The following ABTB3 variants were observed in gnomAD, a reference collection of about 807,000 sequenced individuals.
ABTB3 encodes the protein ankyrin repeat- and BTB/POZ domain-containing protein 3.
chr12:107,321,577 C>T, the ABTB3 span, among the ~76,000 whole-genome samples: 1 of 150,468 alleles, frequency 6.6e-6, no homozygotes, highest in Admixed American at 6.6e-5. Context: ...CAGGGCACAA[C>T]CCTCAAAGAG....
the ABTB3 span, among the ~76,000 whole-genome samples, chr12:107,508,263 T>A: frequency 6.6e-6 from 1 of 151,338 alleles, no homozygotes; most frequent in African/African-American, 2.4e-5. Context: ...TGAAGGATGA[T>A]CAGACATATG....
At chr12:107,657,913 A>G in the ABTB3 span, 1 of 618,550 alleles carries the variant, frequency 1.6e-6, no homozygotes, top group Admixed American at 2.9e-5. Context: ...CTGGGTCCAG[A>G]GTTTAATGGG....
At chr12:107,651,984 T>C in the ABTB3 span, among the ~76,000 whole-genome samples, 1 of 152,244 alleles carries the variant, frequency 6.6e-6, no homozygotes, top group Non-Finnish European at 1.5e-5. Context: ...ACAAGGAAAG[T>C]AGGAGCCCAG....
chr12:107,390,450 G>A, the ABTB3 span, among the ~76,000 whole-genome samples: 4 of 152,188 alleles, frequency 2.6e-5, no homozygotes, highest in African/African-American at 9.7e-5. Context: ...CTTCGGGGAA[G>A]GTGGTACACG....
chr12:107,423,939 GT>G, the ABTB3 span, among the ~76,000 whole-genome samples: 1 of 152,128 alleles, frequency 6.6e-6, no homozygotes, highest in Non-Finnish European at 1.5e-5. Context: ...CCTGAGTTTT[GT>G]TTGCCTCTGG....
At chr12:107,430,266 C>A in the ABTB3 span, among the ~76,000 whole-genome samples, 7,502 of 152,190 alleles carry the variant, frequency 0.049, 598 homozygotes, top group African/African-American at 0.17. Flanking sequence ...ATTGTTACTG[C>A]TTTTGTGCTT....
At chr12:107,651,826 C>T in the ABTB3 span, 25 of 1,553,626 alleles carry the variant, frequency 1.6e-5, no homozygotes, top group East Asian at 1.1e-4. Context: ...CACACAGGAG[C>T]GCTGAAGCCG....
the ABTB3 span, among the ~76,000 whole-genome samples, chr12:107,434,908 C>T: frequency 9.4e-4 from 143 of 151,936 alleles, no homozygotes; most frequent in Non-Finnish European, 9.9e-4. Context: ...GATTAAAGGC[C>T]GATAGGCACA....
the ABTB3 span, among the ~76,000 whole-genome samples, chr12:107,438,881 G>A: frequency 6.6e-6 from 1 of 152,176 alleles, no homozygotes; most frequent in African/African-American, 2.4e-5. Context: ...AAATTTTAAT[G>A]CCAAGCAATT....
chr12:107,492,629 C>CTGTAGCCT, the ABTB3 span, among the ~76,000 whole-genome samples: 4 of 152,162 alleles, frequency 2.6e-5, no homozygotes, highest in African/African-American at 9.7e-5. Flanking sequence ...CTTGTCATCT[C>CTGTAGCCT]TGTAGCCTCC....
the ABTB3 span, among the ~76,000 whole-genome samples, chr12:107,427,184 G>A: frequency 1.3e-5 from 2 of 152,128 alleles, no homozygotes; most frequent in African/African-American, 4.8e-5. Context: ...CCAGCTTCTA[G>A]AGGCTGCTGG....
chr12:107,561,691 G>A, the ABTB3 span, among the ~76,000 whole-genome samples: 3 of 152,018 alleles, frequency 2.0e-5, no homozygotes, highest in Non-Finnish European at 2.9e-5. Context: ...TTAATAAATC[G>A]GGAACCAGTT....
chr12:107,412,490 G>A, the ABTB3 span, among the ~76,000 whole-genome samples: 2 of 152,202 alleles, frequency 1.3e-5, no homozygotes, highest in Non-Finnish European at 2.9e-5. Flanking sequence ...TGCACTAACC[G>A]AGGAACACGG....
chr12:107,441,963 A>G, the ABTB3 span, among the ~76,000 whole-genome samples: 39 of 150,856 alleles, frequency 2.6e-4, no homozygotes, highest in Admixed American at 2.6e-3. Context: ...AGGAAAAAGG[A>G]AAAAAAAAGT....
chr12:107,322,333 T>G, the ABTB3 span, among the ~76,000 whole-genome samples: 1 of 152,302 alleles, frequency 6.6e-6, no homozygotes, highest in South Asian at 2.1e-4. Context: ...TGAGATATAC[T>G]ATGATTTCAT....
the ABTB3 span, among the ~76,000 whole-genome samples, chr12:107,493,949 A>G: frequency 6.6e-6 from 1 of 152,242 alleles, no homozygotes; most frequent in African/African-American, 2.4e-5. Context: ...TTCCAGAACT[A>G]GGAGACAAGA....
the ABTB3 span, among the ~76,000 whole-genome samples, chr12:107,503,180 A>G: frequency 6.6e-6 from 1 of 152,156 alleles, no homozygotes; most frequent in African/African-American, 2.4e-5. Flanking sequence ...GGATTAGCTA[A>G]TTAGAATAAT....
At chr12:107,460,660 A>T in the ABTB3 span, among the ~76,000 whole-genome samples, 4 of 151,538 alleles carry the variant, frequency 2.6e-5, no homozygotes, top group Non-Finnish European at 5.9e-5. Flanking sequence ...CTCTCTGAAG[A>T]AAAAAAAAGA....
the ABTB3 span, among the ~76,000 whole-genome samples, chr12:107,414,574 A>G: frequency 6.6e-6 from 1 of 152,216 alleles, no homozygotes; most frequent in Non-Finnish European, 1.5e-5. Flanking sequence ...AGAGGCAGAA[A>G]TAAAGGTGGC....
Sources: allele counts gnomAD v4.1 joint callset (sites outside exome capture counted in the v4.1 genomes callset), GRCh38; gene constraint gnomAD v4.1.1; transcripts MANE v1.5; gene names NCBI Gene and HGNC (gene_info 2026-07-23, HGNC 2026-07-21).